Variants in PPFIBP2 observed in about 807,000 individuals in gnomAD.
PPFIBP2 encodes the protein liprin-beta-2.
PPFIBP2 carries 118 observed loss-of-function variants against 118.3 expected under a neutral mutation model. The ratio of observed to expected loss-of-function variants is 1.00; its 90% CI spans 0.86 to 1.16. The LOEUF (loss-of-function observed/expected upper bound fraction) is 1.16, where lower values mean the gene tolerates loss of function less well. PPFIBP2 is among the 50% of genes most tolerant of loss of function. The probability of loss-of-function intolerance (pLI) is 0.00; values close to 1 mark genes in which losing one functional copy is unlikely to be tolerated. For synonymous variants in PPFIBP2, 414 were observed against 397.4 expected (o/e 1.04, Z -0.50); for missense variants, 1,195 against 1,073.1 (o/e 1.11, Z -1.59).
chr11:7,661,378 T>G (rs546051322), downstream of PPFIBP2, among the ~76,000 whole-genome samples: 1 of 151,634 alleles, frequency 6.6e-6, no homozygotes, highest in Non-Finnish European at 1.5e-5. Context: ...AAAGAACATC[T>G]TTATTTCTGC....
chr11:7,575,826 G>A (rs988735207), intron 3 of PPFIBP2, among the ~76,000 whole-genome samples: 2 of 152,246 alleles, frequency 1.3e-5, no homozygotes, highest in Admixed American at 6.5e-5. Flanking sequence ...AACCTGGGCT[G>A]GGTGGGTCAC....
intron 3 of PPFIBP2, among the ~76,000 whole-genome samples, chr11:7,578,935 C>T (rs1296709993): frequency 1.3e-5 from 2 of 151,680 alleles, no homozygotes; most frequent in Admixed American, 6.6e-5. Context: ...CAGACAGAGG[C>T]GGGCAGAGGC....
intron 17 of PPFIBP2, 65 bp downstream of exon 17, chr11:7,642,491 T>C (rs975226042): frequency 1.1e-5 from 17 of 1,526,142 alleles, no homozygotes; most frequent in Non-Finnish European, 1.5e-5. Flanking sequence ...CCTTCAAACC[T>C]GCATGGGTGA....
chr11:7,545,654 G>A (rs764925977), intron 1 of PPFIBP2, among the ~76,000 whole-genome samples: 30 of 151,442 alleles, frequency 2.0e-4, no homozygotes, highest in Non-Finnish European at 2.8e-4. Context: ...GGGGCTCTTG[G>A]AGCGTGTCCT....
At chr11:7,617,682 A>T (rs1565066199) in intron 6 of PPFIBP2, among the ~76,000 whole-genome samples, 1 of 149,984 alleles carries the variant, frequency 6.7e-6, no homozygotes, top group Non-Finnish European at 1.5e-5. Context: ...GTTTCACATG[A>T]TTTTTTTTTT....
chr11:7,589,336 G>A (rs1457448738), intron 3 of PPFIBP2, among the ~76,000 whole-genome samples: 1 of 152,146 alleles, frequency 6.6e-6, no homozygotes, highest in African/African-American at 2.4e-5. Context: ...GCTCATGCCT[G>A]TAATCTCAGC....
At chr11:7,540,339 T>C (rs1012757041) in intron 1 of PPFIBP2, among the ~76,000 whole-genome samples, 5 of 152,030 alleles carry the variant, frequency 3.3e-5, no homozygotes, top group Non-Finnish European at 7.4e-5. Context: ...CAGGTGAAGA[T>C]GAGGGGACAG....
At position 7,616,029 on chromosome 11, in the gene PPFIBP2, G is replaced by T. The variant is rs1043121638; in HGVS notation, c.619-4906G>T. 6.6e-6 allele frequency among the ~76,000 whole-genome samples: 1 copy of T among 152,156 alleles called. No homozygotes were observed. ...GTTTTCAGAGGGGCTTCTACAAAAG[G>T]CAGAAAGGACATATGCTAAAGACAA... On this transcript the variant is annotated intron_variant, in intron 6 of 23. Coordinates refer to ENST00000299492, the MANE Select transcript of PPFIBP2 (RefSeq NM_003621.5). The surrounding 1 kb of genome is among the most constrained non-coding windows in gnomAD (Gnocchi z 5.2).
chr11:7,609,978 T>A (rs576617750), intron 5 of PPFIBP2, among the ~76,000 whole-genome samples: 1 of 152,352 alleles, frequency 6.6e-6, no homozygotes, highest in Admixed American at 6.5e-5. Flanking sequence ...GAAATTTCGT[T>A]CTTTGAAAGT....
Position 7,632,904 on chromosome 11 carries a change from C to G in PPFIBP2, c.1106C>G (p.Pro369Arg). ...PRCSSPTVGPPPLPQKSLETR... is the reference protein window; with the variant it reads ...PRCSSPTVGPRPLPQKSLETR... ...TGTAGCTCTCCTACAGTGGGGCCACCTCCATTGCCACAGAAATCACTGGAA... is the reference window on the plus strand; with the variant it reads ...TGTAGCTCTCCTACAGTGGGGCCACGTCCATTGCCACAGAAATCACTGGAA... The change falls in exon 12 of 24, where the codon CCT (proline) becomes CGT (arginine). Residue 369 changes from proline (P) to arginine (R), a missense_variant. Pro to Arg is a moderately radical substitution (Grantham distance 103). Transcript: ENST00000299492. 1 of 1,613,912 alleles carries G rather than the reference C, an allele frequency of 6.2e-7. No individual in the cohort carries two copies. The highest frequency in any genetic ancestry group is 8.5e-7 in the Non-Finnish European group (1 of 1,179,840).
chr11:7,538,925 AG>A (rs1290105673), intron 1 of PPFIBP2, among the ~76,000 whole-genome samples: 1 of 152,152 alleles, frequency 6.6e-6, no homozygotes, highest in Non-Finnish European at 1.5e-5. Context: ...TAGGATGTTT[AG>A]GTTGAAACAA....
At chr11:7,610,882 G>A (rs1310887832) in intron 6 of PPFIBP2, among the ~76,000 whole-genome samples, 2 of 152,206 alleles carry the variant, frequency 1.3e-5, no homozygotes, top group African/African-American at 4.8e-5. Flanking sequence ...TTCCTGATGG[G>A]TCTTATGGAG....
Position 7,651,770 on chromosome 11 carries a change from G to GT in PPFIBP2, c.2362_2363insT (p.Glu788ValfsTer3). The GT allele has an allele frequency of 6.2e-7, 1 of 1,614,102 alleles. No individual in the cohort carries two copies. Among genetic ancestry groups the GT allele is most frequent in the Non-Finnish European group, 8.5e-7 (1 of 1,179,958 alleles). ...CAAGTTCAATGCCTTGATTGGTCCG[G>GT]AGGCTGAACAGGAGAAGCGAGAGAA... On this transcript the variant is annotated frameshift_variant, in exon 23 of 24. Coordinates refer to ENST00000299492, the MANE Select transcript of PPFIBP2 (RefSeq NM_003621.5). LOFTEE classifies it high-confidence loss of function.
intron 1 of PPFIBP2, among the ~76,000 whole-genome samples, chr11:7,522,774 G>C (rs1335703159): frequency 6.6e-6 from 1 of 152,180 alleles, no homozygotes; most frequent in Non-Finnish European, 1.5e-5. Context: ...TGGCCTAGCT[G>C]TATGTGGGGC....
rs959969741 is a variant in PPFIBP2, at chr11:7,625,794, G to T, written c.729G>T (p.Leu243=). Residue 243 remains leucine, a synonymous_variant, in exon 8 of 24, where the codon CTG becomes CTT. Coordinates refer to ENST00000299492, the MANE Select transcript of PPFIBP2 (RefSeq NM_003621.5). The stretch of plus-strand genomic sequence containing the variant: ...TCTTCCAGGCTGAAGTCGCCCAGCT[G>T]CAAGAACAGGTGGCCCTGAAAGATG... ...LKATKAEVAQ[L]QEQVALKDAE... is the part of the protein sequence containing the mutation. The T allele has an allele frequency of 6.2e-7, 1 of 1,614,206 alleles. No homozygotes were observed. The highest frequency in any genetic ancestry group is 8.5e-7 in the Non-Finnish European group (1 of 1,180,018).
At chr11:7,665,652 C>T in the PPFIBP2 span, 52 of 1,298,614 alleles carry the variant, frequency 4.0e-5, no homozygotes, top group Non-Finnish European at 4.7e-5. Context: ...TGACAAGCTG[C>T]TCTACAAAGG....
downstream of PPFIBP2, among the ~76,000 whole-genome samples, chr11:7,659,586 C>G (rs1309165831): frequency 6.8e-6 from 1 of 146,260 alleles, no homozygotes; most frequent in Non-Finnish European, 1.5e-5. Flanking sequence ...TAGTGTGATG[C>G]CTCCAGCTTT....
chr11:7,590,230 C>A (rs980201538), intron 3 of PPFIBP2, among the ~76,000 whole-genome samples: 1 of 152,206 alleles, frequency 6.6e-6, no homozygotes, highest in Non-Finnish European at 1.5e-5. Flanking sequence ...TTCTGAAGAA[C>A]GCAGTTTTTT....
intron 1 of PPFIBP2, among the ~76,000 whole-genome samples, chr11:7,529,024 G>C (rs1314652772): frequency 6.6e-6 from 1 of 152,122 alleles, no homozygotes; most frequent in African/African-American, 2.4e-5. Flanking sequence ...CTTTTCCTCA[G>C]CCTGGAGAGA....
Sources: gnomAD v4.1 joint callset for allele counts (sites outside exome capture counted in the v4.1 genomes callset) on GRCh38, gnomAD v4.1.1 for gene constraint, Gnocchi (gnomAD v3.1) non-coding constraint, MANE v1.5 for transcripts, NCBI Gene and HGNC (gene_info 2026-07-23, HGNC 2026-07-21) for gene names.